ID4: variants seen among roughly 807,000 people sequenced by gnomAD.
ID4 encodes DNA-binding protein inhibitor ID-4.
Under a neutral mutation model 8.6 loss-of-function variants are expected in ID4, and 9 were observed. That is an observed-to-expected ratio of 1.04 (90% CI 0.63 to 1.82). The LOEUF is 1.82. Ranked by LOEUF, ID4 falls within the 40% of genes most tolerant of loss-of-function variation. ID4 has a pLI of 0.00. For missense variants in ID4, 270 were observed against 235.1 expected (o/e 1.15, Z -0.97); for synonymous variants, 180 against 118.0 (o/e 1.53, Z -3.41).
rs889886105 is a variant in ID4, at chr6:19,839,805, A to G, written c.*610A>G. The G allele has an allele frequency of 1.3e-5, 2 of 152,290 alleles. No individual in the cohort carries two copies. Among genetic ancestry groups the G allele is most frequent in the African/African-American group, 4.8e-5 (2 of 41,556 alleles). 9.4% of individuals were successfully genotyped at this position (152,290 alleles called of 1,614,324 possible). A position where few individuals can be genotyped will look rare whatever the true frequency, so the allele number is the denominator to read the frequency against. ...ATACTGTAATTATAAGATATTTTTA[A>G]TTAAATATTTTTTTGTAAATATTAT... On this transcript the variant is annotated 3_prime_UTR_variant, in exon 3 of 3. Transcript: ENST00000378700.
In ID4 at chr6:19,839,912, G is replaced by T. The variant is rs940083270; in HGVS notation, c.*717G>T. The T allele has an allele frequency of 1.2e-4, 18 of 152,002 alleles. No individual in the cohort carries two copies. Among genetic ancestry groups the T allele is most frequent in the African/African-American group, 4.3e-4 (18 of 41,448 alleles). The allele number at this position is 152,002 out of a possible 1,614,324, so 9.4% of individuals were successfully genotyped here. On this transcript the variant is annotated 3_prime_UTR_variant, in exon 3 of 3. Transcript: ENST00000378700. Reference sequence around the variant, plus strand: ...TCAATTACAGAGCTCTTGATATCTTGAATGTCTTTTCTGTTTGGCCTGGCT... The same window carrying T: ...TCAATTACAGAGCTCTTGATATCTTTAATGTCTTTTCTGTTTGGCCTGGCT...
At position 19,840,535 on chromosome 6, in the gene ID4, A is replaced by C. The variant is rs1013234329; in HGVS notation, c.*1340A>C. On this transcript the variant is annotated 3_prime_UTR_variant, in exon 3 of 3. Transcript: ENST00000378700. ...AAAGTCGATCTTCAAACATTAACTTAAGCAGACCAAAAATTCTGATGACCG... is the reference window on the plus strand; with the variant it reads ...AAAGTCGATCTTCAAACATTAACTTCAGCAGACCAAAAATTCTGATGACCG... The C allele has an allele frequency of 6.6e-6, 1 of 152,616 alleles. No homozygotes were observed. The highest frequency in any genetic ancestry group is 2.4e-5 in the African/African-American group (1 of 41,458). The allele number at this position is 152,616 out of a possible 1,614,324, so 9.5% of individuals were successfully genotyped here.
chr6:19,837,603 T>G lies in ID4; in HGVS notation c.-152T>G. 4 of 340,756 alleles carry G rather than the reference T, an allele frequency of 1.2e-5. No individual in the cohort carries two copies. Among genetic ancestry groups the G allele is most frequent in the Non-Finnish European group, 1.8e-5 (4 of 223,626 alleles). The allele number at this position is 340,756 out of a possible 1,614,324, so 21.1% of individuals were successfully genotyped here. ...CGTAAAACCCAGAGCGACCCTCCCG[T>G]CAATTGTTGGGCTCGGGAGTGTCGC... On this transcript the variant is annotated 5_prime_UTR_variant, in exon 1 of 3. Coordinates refer to ENST00000378700, the MANE Select transcript of ID4 (RefSeq NM_001546.4).
rs1388177431 is a variant in ID4, at chr6:19,837,707, C to T, written c.-48C>T. The T allele has an allele frequency of 2.8e-6, 3 of 1,085,056 alleles. No individual in the cohort carries two copies. The highest frequency in any genetic ancestry group is 5.4e-5 in the East Asian group (1 of 18,624). 67.2% of individuals were successfully genotyped at this position (1,085,056 alleles called of 1,614,324 possible). A position where few individuals can be genotyped will look rare whatever the true frequency, so the allele number is the denominator to read the frequency against. ...CGGGGCCCGGAGCTTGCCTGCCTCC[C>T]TCGCTCGCCCCAGCGGGTTCGCTCG... On this transcript the variant is annotated 5_prime_UTR_variant, in exon 1 of 3. Coordinates refer to ENST00000378700, the MANE Select transcript of ID4 (RefSeq NM_001546.4).
chr6:19,838,671 C>T (rs745599150), intron 2 of ID4, 29 bp downstream of exon 2: 10 of 1,603,466 alleles, frequency 6.2e-6, no homozygotes, highest in South Asian at 3.3e-5. Context: ...TCTCGGGTGG[C>T]CGGTCACCAG....
rs913271345 is a variant in ID4, at chr6:19,840,610, G to A, written c.*1415G>A. 6.6e-6 allele frequency: 1 copy of A among 152,390 alleles called. No homozygotes were observed. Among genetic ancestry groups the A allele is most frequent in the Admixed American group, 6.6e-5 (1 of 15,258 alleles). The allele number at this position is 152,390 out of a possible 1,614,324, so 9.4% of individuals were successfully genotyped here. A position where few individuals can be genotyped will look rare whatever the true frequency, so the allele number is the denominator to read the frequency against. ...ATGATTTTCACTATAGCTATGTTAC[G>A]CTAAGCTACTGTCCAATCTCTTGTG... is the stretch of plus-strand genomic sequence containing the variant. On this transcript the variant is annotated 3_prime_UTR_variant, in exon 3 of 3. Transcript: ENST00000378700.
Position 19,838,636 on chromosome 6 carries a change from T to G in ID4, c.*8T>G. ...AGCATTCTGTGCCGCTGAGCCGCGCTGTCCAGGTGAGCGCGCATTTCCCGT... is the reference window on the plus strand; with the variant it reads ...AGCATTCTGTGCCGCTGAGCCGCGCGGTCCAGGTGAGCGCGCATTTCCCGT... On this transcript the variant is annotated 3_prime_UTR_variant, in exon 2 of 3. Coordinates refer to ENST00000378700, the MANE Select transcript of ID4 (RefSeq NM_001546.4). 6.2e-7 allele frequency: 1 copy of G among 1,613,700 alleles called. No individual in the cohort carries two copies. Among genetic ancestry groups the G allele is most frequent in the Non-Finnish European group, 8.5e-7 (1 of 1,179,770 alleles).
chr6:19,838,190 G>C lies in ID4; in HGVS notation c.436G>C (p.Asp146His). ...GACCCCGCTCACTGCGCTCAACACCGACCCGGTGAGAGGCCGGGCGCCGGC... is the reference window on the plus strand; with the variant it reads ...GACCCCGCTCACTGCGCTCAACACCCACCCGGTGAGAGGCCGGGCGCCGGC... ...PRTPLTALNTDPAGAVNKQGD... is the reference protein window; with the variant it reads ...PRTPLTALNTHPAGAVNKQGD... Residue 146 changes from aspartate (D) to histidine (H), a missense_variant, in exon 1 of 3, where the codon GAC becomes CAC. This residue lies in a region of ID4 where 107 missense variants were observed against 81.0 expected (regional missense o/e 1.32). Transcript: ENST00000378700. 7.2e-7 allele frequency: 1 copy of C among 1,389,456 alleles called. No homozygotes were observed. Among genetic ancestry groups the C allele is most frequent in the African/African-American group, 1.5e-5 (1 of 65,920 alleles). 86.1% of individuals were successfully genotyped at this position (1,389,456 alleles called of 1,614,324 possible). A position where few individuals can be genotyped will look rare whatever the true frequency, so the allele number is the denominator to read the frequency against.
Position 19,837,962 on chromosome 6 carries a change from G to A in ID4, c.208G>A (p.Asp70Asn), listed in dbSNP as rs746070477. 7 of 1,564,974 alleles carry A rather than the reference G, an allele frequency of 4.5e-6. No individual in the cohort carries two copies. The highest frequency in any genetic ancestry group is 6.1e-6 in the Non-Finnish European group (7 of 1,156,246). ...GCTGTGCCTGCAGTGCGATATGAAC[G>A]ACTGCTATAGCCGCCTGCGGAGGCT... ...PALCLQCDMN[D>N]CYSRLRRLVP... Residue 70 changes from aspartate to asparagine, a missense_variant, in exon 1 of 3, where the codon GAC becomes AAC. Asp to Asn is a conservative substitution (Grantham distance 23). Transcript: ENST00000378700.
intron 1 of ID4, 141 bp downstream of exon 1, chr6:19,838,336 T>C: frequency 9.9e-7 from 1 of 1,015,076 alleles, no homozygotes; most frequent in Non-Finnish European, 1.3e-6. Context: ...TCCTCCGGGC[T>C]CCCCCGGGCC....
At chr6:19,838,969 C>T (rs1761296631) in intron 2 of ID4, 1 of 360,330 alleles carries the variant, frequency 2.8e-6, no homozygotes, top group Non-Finnish European at 5.1e-6. Context: ...CGGTGTCCTC[C>T]CGTGCAGTCT....
Position 19,837,838 on chromosome 6 carries a change from G to C in ID4, c.84G>C (p.Leu28=), listed in dbSNP as rs910802902. The C allele has an allele frequency of 2.7e-5, 31 of 1,169,250 alleles. No homozygotes were observed. Among genetic ancestry groups the C allele is most frequent in the Admixed American group, 4.8e-5 (1 of 21,036 alleles). 72.4% of individuals were successfully genotyped at this position (1,169,250 alleles called of 1,614,324 possible). Residue 28 remains leucine, a synonymous_variant, in exon 1 of 3, where the codon CTG becomes CTC. Transcript: ENST00000378700. The stretch of plus-strand genomic sequence containing the variant: ...GCGGGGAGCTGGCGCTGCGCTGCCT[G>C]GCCGAGCACGGCCACAGCCTGGGTG... ...CGGGELALRC[L]AEHGHSLGGS...
rs1761328600 is a variant in ID4 at position 19,840,173 on chromosome 6, G to C, written c.*978G>C. On this transcript the variant is annotated 3_prime_UTR_variant, in exon 3 of 3. Transcript: ENST00000378700. ...TGTAATATATACAGAGTAAGTGTTT[G>C]TTTTTGTTTTTCAACTGAGGTCAAA... 6.6e-6 allele frequency: 1 copy of C among 152,384 alleles called. No homozygotes were observed. Among genetic ancestry groups the C allele is most frequent in the South Asian group, 2.1e-4 (1 of 4,816 alleles). The allele number at this position is 152,384 out of a possible 1,614,324, so 9.4% of individuals were successfully genotyped here. A position where few individuals can be genotyped will look rare whatever the true frequency, so the allele number is the denominator to read the frequency against.
chr6:19,838,627 G>A lies in ID4; in HGVS notation c.485G>A (p.Ter162=). Residue 162 remains the stop codon, a stop_retained_variant, in exon 2 of 3, where the codon TGA becomes TAA. Coordinates refer to ENST00000378700, the MANE Select transcript of ID4 (RefSeq NM_001546.4). ...CAGGGCGACAGCATTCTGTGCCGCT[G>A]AGCCGCGCTGTCCAGGTGAGCGCGC... ...NKQGDSILCR[*] 3.7e-6 allele frequency: 6 copies of A among 1,613,900 alleles called. No homozygotes were observed. Among genetic ancestry groups the A allele is most frequent in the Non-Finnish European group, 5.1e-6 (6 of 1,179,878 alleles).
In ID4 at chr6:19,838,057, C is replaced by T. The variant is rs779614068; in HGVS notation, c.303C>T (p.Ile101=). The T allele has an allele frequency of 6.8e-6, 11 of 1,607,228 alleles. No homozygotes were observed. Among genetic ancestry groups the T allele is most frequent in the East Asian group, 2.2e-5 (1 of 44,526 alleles). The change falls in exon 1 of 3, where the codon ATC becomes ATT. Residue 101 remains isoleucine (I), a synonymous_variant. Transcript: ENST00000378700. ...TCCTGCAGCACGTTATCGACTACAT[C>T]CTGGACCTGCAGCTGGCGCTGGAGA... ...VEILQHVIDY[I]LDLQLALETH...
Position 19,837,845 on chromosome 6 carries a change from C to G in ID4, c.91C>G (p.His31Asp), listed in dbSNP as rs1374749619. ...GCTGGCGCTGCGCTGCCTGGCCGAGCACGGCCACAGCCTGGGTGGCTCCGC... is the reference window on the plus strand; with the variant it reads ...GCTGGCGCTGCGCTGCCTGGCCGAGGACGGCCACAGCCTGGGTGGCTCCGC... ...GELALRCLAE[H>D]GHSLGGSAAA... Residue 31 changes from histidine (H) to aspartate (D), a missense_variant, in exon 1 of 3, where the codon CAC becomes GAC. His to Asp is a moderately conservative substitution (Grantham distance 81, BLOSUM62 -1). Transcript: ENST00000378700. 5 of 1,181,090 alleles carry G rather than the reference C, an allele frequency of 4.2e-6. No individual in the cohort carries two copies. Among genetic ancestry groups the G allele is most frequent in the Admixed American group, 4.7e-5 (1 of 21,250 alleles). 73.2% of individuals were successfully genotyped at this position (1,181,090 alleles called of 1,614,324 possible). A position where few individuals can be genotyped will look rare whatever the true frequency, so the allele number is the denominator to read the frequency against.
chr6:19,838,335 C>T, intron 1 of ID4, 140 bp downstream of exon 1: 4 of 1,019,490 alleles, frequency 3.9e-6, no homozygotes, highest in Non-Finnish European at 3.9e-6. Flanking sequence ...CTCCTCCGGG[C>T]TCCCCCGGGC....
rs926335732 is a variant in ID4 at position 19,840,116 on chromosome 6, C to T, written c.*921C>T. The T allele has an allele frequency of 2.0e-4, 30 of 152,248 alleles. 1 individual carries two copies. The highest frequency in any genetic ancestry group is 1.5e-5 in the Non-Finnish European group (1 of 67,974). The allele number at this position is 152,248 out of a possible 1,614,324, so 9.4% of individuals were successfully genotyped here. A position where few individuals can be genotyped will look rare whatever the true frequency, so the allele number is the denominator to read the frequency against. ...TTGAAGCATACATGTTGAAAATACACCTTATCAGTTTTTAAGTACAGGGTT... is the reference window on the plus strand; with the variant it reads ...TTGAAGCATACATGTTGAAAATACATCTTATCAGTTTTTAAGTACAGGGTT... On this transcript the variant is annotated 3_prime_UTR_variant, in exon 3 of 3. Coordinates refer to ENST00000378700, the MANE Select transcript of ID4 (RefSeq NM_001546.4).
rs1172532254 is a variant in ID4, at chr6:19,841,672, C to G, written c.*2477C>G. 6.6e-6 allele frequency among the ~76,000 whole-genome samples: 1 copy of G among 152,158 alleles called. No individual in the cohort carries two copies. Among genetic ancestry groups the G allele is most frequent in the African/African-American group, 2.4e-5 (1 of 41,442 alleles). On this transcript the variant is annotated 3_prime_UTR_variant, in exon 3 of 3. Coordinates refer to ENST00000378700, the MANE Select transcript of ID4 (RefSeq NM_001546.4). ...ATTTTCCCTTTGGCCACTCAAGCAG[C>G]ATTTGATGTATCTAAAGAAACAAAG...
Sources: allele counts gnomAD v4.1 joint callset (sites outside exome capture counted in the v4.1 genomes callset), GRCh38; gene constraint gnomAD v4.1.1; regional missense constraint gnomAD v4.1.1; transcripts MANE v1.5; gene names NCBI Gene and HGNC (gene_info 2026-07-23, HGNC 2026-07-21).